SORCS1: variants seen among roughly 807,000 people sequenced by gnomAD.
SORCS1 encodes the protein sortilin related VPS10 domain containing receptor 1, also known as VPS10 domain-containing receptor SorCS1.
SORCS1 carries 60 observed loss-of-function variants against 146.1 expected under a neutral mutation model. The observed-to-expected ratio is 0.41, with a 90% CI of 0.33 to 0.51. The LOEUF is 0.51. SORCS1 is among the 20% of genes least tolerant of loss of function. The pLI is 0.21. For missense variants in SORCS1, 1,352 were observed against 1,487.6 expected (o/e 0.91, Z 1.50); for synonymous variants, 637 against 584.0 (o/e 1.09, Z -1.31).
At chr10:106,613,374 GGGT>G (rs1847137357) in intron 21 of SORCS1, among the ~76,000 whole-genome samples, 1 of 152,136 alleles carries the variant, frequency 6.6e-6, no homozygotes, top group Non-Finnish European at 1.5e-5. Flanking sequence ...AAGAAAGAGT[GGGT>G]GACTACTCTG....
At chr10:106,835,385 A>AT (rs1269434808) in intron 2 of SORCS1, among the ~76,000 whole-genome samples, 4 of 152,060 alleles carry the variant, frequency 2.6e-5, no homozygotes, top group Non-Finnish European at 5.9e-5. Context: ...ATTTTCTAAC[A>AT]TTTTTTTCTT....
intron 3 of SORCS1, among the ~76,000 whole-genome samples, chr10:106,784,470 T>C (rs1156283558): frequency 1.3e-5 from 2 of 152,110 alleles, no homozygotes; most frequent in East Asian, 3.8e-4. Context: ...GTTTTTATTA[T>C]TGCAGTCACT....
At chr10:107,004,287 C>T (rs1957350158) in intron 1 of SORCS1, among the ~76,000 whole-genome samples, 1 of 151,278 alleles carries the variant, frequency 6.6e-6, no homozygotes, top group African/African-American at 2.4e-5. Flanking sequence ...TTTTTCAGTT[C>T]CCTTCTTTGG....
chr10:107,150,632 C>T (rs1968711269), intron 1 of SORCS1, among the ~76,000 whole-genome samples: 1 of 152,176 alleles, frequency 6.6e-6, no homozygotes, highest in South Asian at 2.1e-4. Flanking sequence ...TGTCTCCATC[C>T]AAATCTCATC....
At chr10:107,065,938 G>A (rs1961806798) in intron 1 of SORCS1, among the ~76,000 whole-genome samples, 2 of 152,186 alleles carry the variant, frequency 1.3e-5, no homozygotes, top group African/African-American at 4.8e-5. Flanking sequence ...GTGAGTAGCA[G>A]AGACAGGATT....
rs186898712 is a variant in SORCS1, at chr10:106,657,532, C to T, written c.2304-4979G>A. On this transcript the variant is annotated intron_variant, in intron 17 of 25. Coordinates refer to ENST00000263054, the MANE Select transcript of SORCS1 (RefSeq NM_052918.5). ...ATGTATGCTACTCAGATGACGGATG[C>T]ACTAAAATCTCAGGCTTCATCACTA... Among the ~76,000 whole-genome samples the T allele has an allele frequency of 4.6e-5, 7 of 151,952 alleles. No homozygotes were observed. The East Asian group carries it at 1.4e-3, about 29-fold the overall frequency.
At chr10:106,669,780 C>G (rs1851448256) in intron 16 of SORCS1, among the ~76,000 whole-genome samples, 1 of 152,194 alleles carries the variant, frequency 6.6e-6, no homozygotes, top group Admixed American at 6.5e-5. Context: ...TTCATTCGCT[C>G]TTGGCTTGGC....
chr10:106,783,688 T>A (rs1222757580), intron 3 of SORCS1, among the ~76,000 whole-genome samples: 1 of 152,200 alleles, frequency 6.6e-6, no homozygotes, highest in African/African-American at 2.4e-5. Flanking sequence ...AAATATACAG[T>A]CAGAAGATCA....
Position 107,014,276 on chromosome 10 carries a change from AAG to A in SORCS1, c.559-57698_559-57697del, listed in dbSNP as rs1172487469. On this transcript the variant is annotated intron_variant, in intron 1 of 25. Transcript: ENST00000263054. ...GTCAAAAAAAAAAAAAAAAAAAGAA[AAG>A]AAAAAAAGAGAGAGAGAGAGAGAGA... 1.7e-4 allele frequency among the ~76,000 whole-genome samples: 24 copies of A among 138,242 alleles called. 1 individual carries two copies. Among genetic ancestry groups the A allele is most frequent in the African/African-American group, 7.5e-4 (23 of 30,538 alleles). The allele number at this position is 138,242 out of a possible 152,430, so 90.7% of individuals were successfully genotyped here. A position where few individuals can be genotyped will look rare whatever the true frequency, so the allele number is the denominator to read the frequency against.
intron 3 of SORCS1, among the ~76,000 whole-genome samples, chr10:106,809,376 T>G (rs1947346959): frequency 6.6e-6 from 1 of 152,178 alleles, no homozygotes; most frequent in African/African-American, 2.4e-5. Context: ...GCTGCCAGGC[T>G]GCCCTTTTGA....
chr10:106,719,706 C>T (rs373370149), intron 6 of SORCS1, among the ~76,000 whole-genome samples: 44 of 152,250 alleles, frequency 2.9e-4, no homozygotes, highest in African/African-American at 5.1e-4. Flanking sequence ...CCACTGCGCC[C>T]GGCCTCAATG....
rs1162403368 is a variant in SORCS1, at chr10:106,956,619, A to C, written c.559-39T>G. ...AAGAAATCATGGTTAGTCTCAAACA[A>C]TTACAATCTCTTAGAACTGAAATGG... On this transcript the variant is annotated intron_variant, in intron 1 of 25. Transcript: ENST00000263054. 5 of 1,577,026 alleles carry C rather than the reference A, an allele frequency of 3.2e-6. No homozygotes were observed. In the Admixed American group the frequency reaches 8.4e-5, roughly 27 times the overall value.
chr10:107,021,661 A>C (rs933285594), intron 1 of SORCS1, among the ~76,000 whole-genome samples: 2 of 152,040 alleles, frequency 1.3e-5, no homozygotes, highest in Admixed American at 6.6e-5. Flanking sequence ...TGTTAGAGTC[A>C]GGTAGGCTTA....
At chr10:106,705,029 T>G (rs973055095) in intron 8 of SORCS1, among the ~76,000 whole-genome samples, 4 of 152,180 alleles carry the variant, frequency 2.6e-5, no homozygotes, top group African/African-American at 9.7e-5. Flanking sequence ...CAGTTTTCCT[T>G]TTACATAGTG....
intron 23 of SORCS1, among the ~76,000 whole-genome samples, chr10:106,602,022 G>A (rs896998098): frequency 6.6e-5 from 10 of 152,134 alleles, no homozygotes; most frequent in African/African-American, 2.4e-4. Context: ...GAAATCAAGA[G>A]GGGGAAACAC....
intron 25 of SORCS1, chr10:106,578,694 C>G (rs1844710512): frequency 2.0e-6 from 2 of 1,023,632 alleles, no homozygotes; most frequent in African/African-American, 3.4e-5. Context: ...ATGTTTCATT[C>G]TAGTCAATAC....
At position 106,653,286 on chromosome 10, in the gene SORCS1, T is replaced by G. The variant is rs554323827; in HGVS notation, c.2304-733A>C. ...TAGGATGACAAACCTTTAAGATTTT[T>G]GAGGTTCAGCGTTATCTAGCCATTA... On this transcript the variant is annotated intron_variant, in intron 17 of 25. Transcript: ENST00000263054. 2.0e-5 allele frequency among the ~76,000 whole-genome samples: 3 copies of G among 152,326 alleles called. No homozygotes were observed. The East Asian group carries it at 5.8e-4, about 29-fold the overall frequency.
At chr10:106,684,228 C>T (rs1218764424) in intron 10 of SORCS1, among the ~76,000 whole-genome samples, 1 of 152,132 alleles carries the variant, frequency 6.6e-6, no homozygotes. Context: ...ATCCCATCTA[C>T]TCGGGAGGCC....
intron 19 of SORCS1, among the ~76,000 whole-genome samples, chr10:106,621,660 C>T (rs1376677183): frequency 6.6e-6 from 1 of 151,896 alleles, no homozygotes; most frequent in African/African-American, 2.4e-5. Context: ...CCTGTTATTT[C>T]CCTCTCCTGT....
Sources: allele counts gnomAD v4.1 joint callset (sites outside exome capture counted in the v4.1 genomes callset), GRCh38; gene constraint gnomAD v4.1.1; transcripts MANE v1.5; gene names NCBI Gene and HGNC (gene_info 2026-07-23, HGNC 2026-07-21).